The following PLCB4 variants were observed in gnomAD, a reference collection of about 807,000 sequenced individuals.
PLCB4 encodes phospholipase C beta 4, also known as 1-phosphatidylinositol 4,5-bisphosphate phosphodiesterase beta-4.
In PLCB4, 77 loss-of-function variants were observed where a neutral mutation model predicts 178.8. The observed-to-expected ratio is 0.43, with a 90% CI of 0.36 to 0.52. The LOEUF is 0.52. Among genes scored for constraint, PLCB4 ranks in the 20% least tolerant of loss-of-function variants. PLCB4 has a pLI of 0.00. For missense variants in PLCB4, 1,024 were observed against 1,453.4 expected (o/e 0.70, Z 4.80); for synonymous variants, 496 against 490.8 (o/e 1.01, Z -0.14).
intron 7 of PLCB4, among the ~76,000 whole-genome samples, chr20:9,357,110 C>G (rs551582522): frequency 2.0e-5 from 3 of 152,274 alleles, no homozygotes; most frequent in African/African-American, 7.2e-5. Context: ...GAACAAAACC[C>G]TGTCTCAAAA....
intron 16 of PLCB4, among the ~76,000 whole-genome samples, chr20:9,390,276 A>G (rs1162812533): frequency 6.6e-6 from 1 of 152,214 alleles, no homozygotes; most frequent in African/African-American, 2.4e-5. Flanking sequence ...TTGACAGTAT[A>G]TTTGAAATCA....
chr20:9,163,312 AAACCCCAAATGTTAAGCCTCT>A (rs912744391), intron 2 of PLCB4, among the ~76,000 whole-genome samples: 7 of 152,322 alleles, frequency 4.6e-5, no homozygotes, highest in Admixed American at 2.0e-4. Context: ...GAGAATGGCT[AAACCCCAAATGTTAAGCCTCT>A]GAAGAATATC....
rs549087090 is a variant in PLCB4, at chr20:9,226,403, G to A, written c.-16+8951G>A. On this transcript the variant is annotated intron_variant, in intron 3 of 39. Coordinates refer to ENST00000378473, the MANE Select transcript of PLCB4 (RefSeq NM_001377142.1). ...GAAGTTAACTCACTCTTCTGAGCAA[G>A]TAGAAGTTTATTGAAAAACTGAATG... 6.6e-5 allele frequency among the ~76,000 whole-genome samples: 10 copies of A among 152,312 alleles called. No homozygotes were observed. The South Asian group carries it at 2.1e-3, about 32-fold the overall frequency.
At chr20:9,081,044 G>C (rs115454734) in intron 1 of PLCB4, among the ~76,000 whole-genome samples, 4,048 of 152,232 alleles carry the variant, frequency 0.027, 170 homozygotes, top group African/African-American at 0.091. Context: ...TTTTCATTCA[G>C]TCTCTCTATA....
At position 9,390,016 on chromosome 20, in the gene PLCB4, G is replaced by C. The variant is rs1051178171; in HGVS notation, c.1238+58G>C. ...GTGGTATTGTTTCCTAACCCCTAAT[G>C]CCCACTCCTGCTCTACAACTTTTTA... On this transcript the variant is annotated intron_variant, in intron 16 of 39. Transcript: ENST00000378473. 1.4e-5 allele frequency: 12 copies of C among 849,368 alleles called. No individual in the cohort carries two copies. The African/African-American group carries it at 1.7e-4, about 12-fold the overall frequency. 52.6% of individuals were successfully genotyped at this position (849,368 alleles called of 1,614,324 possible).
At chr20:9,275,321 C>A (rs937254229) in intron 3 of PLCB4, among the ~76,000 whole-genome samples, 1 of 152,030 alleles carries the variant, frequency 6.6e-6, no homozygotes, top group Non-Finnish European at 1.5e-5. Flanking sequence ...GAAAGACTGA[C>A]TCCCATGATT....
chr20:9,381,090 C>G (rs1013822200), intron 13 of PLCB4, among the ~76,000 whole-genome samples: 1 of 152,120 alleles, frequency 6.6e-6, no homozygotes, highest in Non-Finnish European at 1.5e-5. Flanking sequence ...TGTAGTTGTA[C>G]AGTTTACACT....
chr20:9,428,712 G>T (rs1421234304), intron 28 of PLCB4, among the ~76,000 whole-genome samples: 1 of 151,946 alleles, frequency 6.6e-6, no homozygotes, highest in Non-Finnish European at 1.5e-5. Context: ...GGTAAGTTAG[G>T]AATAGTAGAG....
At chr20:9,345,083 A>G (rs2033656673) in intron 7 of PLCB4, among the ~76,000 whole-genome samples, 1 of 151,874 alleles carries the variant, frequency 6.6e-6, no homozygotes, top group African/African-American at 2.4e-5. Flanking sequence ...CAGCTACACC[A>G]GAGGCTGAGT....
intron 2 of PLCB4, among the ~76,000 whole-genome samples, chr20:9,139,198 A>G (rs745554393): frequency 6.6e-6 from 1 of 152,004 alleles, no homozygotes; most frequent in Non-Finnish European, 1.5e-5. Flanking sequence ...TGTTCTATCT[A>G]TATTCTGTTT....
chr20:9,464,377 C>T (rs775004642), intron 35 of PLCB4, among the ~76,000 whole-genome samples: 1 of 151,808 alleles, frequency 6.6e-6, no homozygotes, highest in Non-Finnish European at 1.5e-5. Context: ...GAACTAGAGA[C>T]GCAAGAGCAA....
chr20:9,098,161 G>A (rs1045795567), intron 2 of PLCB4, among the ~76,000 whole-genome samples: 9 of 152,026 alleles, frequency 5.9e-5, no homozygotes, highest in East Asian at 1.9e-4. Flanking sequence ...CTTCAAAGAC[G>A]ATATAGAGAA....
chr20:9,414,599 A>G (rs1759578913), intron 25 of PLCB4, among the ~76,000 whole-genome samples: 1 of 152,208 alleles, frequency 6.6e-6, no homozygotes, highest in Non-Finnish European at 1.5e-5. Flanking sequence ...AAAGTACACA[A>G]ACACCCCCAG....
chr20:9,214,586 C>CAG (rs2093708649), intron 2 of PLCB4, among the ~76,000 whole-genome samples: 1 of 151,890 alleles, frequency 6.6e-6, no homozygotes, highest in Non-Finnish European at 1.5e-5. Flanking sequence ...CACACACACA[C>CAG]ACACACAGCC....
At chr20:9,340,995 G>A (rs2033123844) in intron 7 of PLCB4, among the ~76,000 whole-genome samples, 1 of 152,110 alleles carries the variant, frequency 6.6e-6, no homozygotes, top group Admixed American at 6.6e-5. Context: ...TGAGAAAAAT[G>A]AAGCTAGAGA....
intron 1 of PLCB4, among the ~76,000 whole-genome samples, chr20:9,074,268 C>G (rs1367605132): frequency 6.6e-6 from 1 of 152,184 alleles, no homozygotes; most frequent in Non-Finnish European, 1.5e-5. Flanking sequence ...GGTACTGTTA[C>G]TGCTGCTACT....
chr20:9,114,412 A>AG (rs773093593), intron 2 of PLCB4, among the ~76,000 whole-genome samples: 1 of 152,114 alleles, frequency 6.6e-6, no homozygotes. Flanking sequence ...AGGAGAAGTC[A>AG]GAAAAAAAAA....
intron 2 of PLCB4, among the ~76,000 whole-genome samples, chr20:9,152,505 C>T (rs748142007): frequency 2.0e-5 from 3 of 152,174 alleles, no homozygotes; most frequent in Non-Finnish European, 2.9e-5. Context: ...AGCCCTAAGC[C>T]TTGGCAGCTT....
intron 7 of PLCB4, among the ~76,000 whole-genome samples, chr20:9,354,816 A>G (rs1244677938): frequency 6.6e-6 from 1 of 152,234 alleles, no homozygotes; most frequent in Admixed American, 6.5e-5. Flanking sequence ...TGCAGATGCC[A>G]GGCTTACTAA....
Sources: allele counts gnomAD v4.1 joint callset (sites outside exome capture counted in the v4.1 genomes callset), GRCh38; gene constraint gnomAD v4.1.1; transcripts MANE v1.5; gene names NCBI Gene and HGNC (gene_info 2026-07-23, HGNC 2026-07-21).